Variants in OXR1 observed in about 807,000 individuals in gnomAD.
OXR1 encodes the protein oxidation resistance 1.
A neutral mutation model predicts 104.6 loss-of-function variants in OXR1; 41 were observed. The ratio of observed to expected loss-of-function variants is 0.39; its 90% CI spans 0.31 to 0.51. OXR1 has a LOEUF of 0.51. Ranked by LOEUF, OXR1 falls within the 20% of genes least tolerant of loss-of-function variation. The pLI is 0.77. For synonymous variants in OXR1, 348 were observed against 348.4 expected, an observed-to-expected ratio of 1.00 and a Z score of 0.01; for missense variants, 955 against 1,031.9, an observed-to-expected ratio of 0.93 and a Z score of 1.02.
At position 106,752,047 on chromosome 8, in the gene OXR1, T is replaced by A. The variant is rs1468160980; in HGVS notation, c.*1106T>A. ...TGAAAAGATAGAATACACTAGTAGT[T>A]CTTATCCTCTTTTGTAGGAAACCAA... is the stretch of plus-strand genomic sequence containing the variant. On this transcript the variant is annotated 3_prime_UTR_variant, in exon 17 of 17. Coordinates refer to ENST00000517566, the MANE Select transcript of OXR1 (RefSeq NM_001198533.2). 6.6e-6 allele frequency: 1 copy of A among 152,600 alleles called. No individual in the cohort carries two copies. Among genetic ancestry groups the A allele is most frequent in the African/African-American group, 2.4e-5 (1 of 41,466 alleles). The allele number at this position is 152,600 out of a possible 1,614,324, so 9.5% of individuals were successfully genotyped here. A position where few individuals can be genotyped will look rare whatever the true frequency, so the allele number is the denominator to read the frequency against.
intron 2 of OXR1, among the ~76,000 whole-genome samples, chr8:106,413,909 G>T (rs986243882): frequency 6.6e-6 from 1 of 151,926 alleles, no homozygotes; most frequent in African/African-American, 2.4e-5. Context: ...AATATTTTTA[G>T]TAGAGACAGG....
At chr8:106,302,006 T>C (rs1813254086) in intron 1 of OXR1, among the ~76,000 whole-genome samples, 1 of 152,184 alleles carries the variant, frequency 6.6e-6, no homozygotes, top group Non-Finnish European at 1.5e-5. Flanking sequence ...TCAATTTTGT[T>C]AAATTACTGA....
At chr8:106,446,960 G>A (rs1820035330) in intron 2 of OXR1, among the ~76,000 whole-genome samples, 2 of 152,064 alleles carry the variant, frequency 1.3e-5, no homozygotes, top group Non-Finnish European at 2.9e-5. Flanking sequence ...ACAAAGAAAG[G>A]AAACTGAATT....
In OXR1 at chr8:106,608,850, A is replaced by T. The variant is rs147585959; in HGVS notation, c.221-70360A>T. On this transcript the variant is annotated intron_variant, in intron 3 of 16. Coordinates refer to ENST00000517566, the MANE Select transcript of OXR1 (RefSeq NM_001198533.2). ...TGGTCATGTTAGGTTTGGAATGCTGATGGGTTTATATCGTCCTACTCTGAA... is the reference window on the plus strand; with the variant it reads ...TGGTCATGTTAGGTTTGGAATGCTGTTGGGTTTATATCGTCCTACTCTGAA... Among the ~76,000 whole-genome samples the T allele has an allele frequency of 2.5e-3, 385 of 152,298 alleles. 1 individual carries two copies. The highest frequency in any genetic ancestry group is 8.8e-3 in the African/African-American group (367 of 41,564).
At chr8:106,445,084 C>T (rs1187962292) in intron 2 of OXR1, among the ~76,000 whole-genome samples, 1 of 152,134 alleles carries the variant, frequency 6.6e-6, no homozygotes, top group Non-Finnish European at 1.5e-5. Context: ...CATTTATTTA[C>T]AGGGAATTAA....
At chr8:106,600,167 C>A (rs1417982457) in intron 3 of OXR1, among the ~76,000 whole-genome samples, 2 of 152,162 alleles carry the variant, frequency 1.3e-5, no homozygotes, top group Non-Finnish European at 2.9e-5. Flanking sequence ...TGGGGCCAAG[C>A]AGTTACAATG....
rs60073341 is a variant in OXR1, at chr8:106,547,492, C to CTTT, written c.220+28370_220+28372dup. ...GTGTTAGAATTTCCTTTCTTTCTTT[C>CTTT]TTTTTTTTTTTTTTTTTTTGAGACA... On this transcript the variant is annotated intron_variant, in intron 3 of 16. Transcript: ENST00000517566. Among the ~76,000 whole-genome samples, 336 of 116,510 alleles carry CTTT rather than the reference C, an allele frequency of 2.9e-3. 1 individual carries two copies. Among genetic ancestry groups the CTTT allele is most frequent in the Admixed American group, 5.4e-3 (57 of 10,624 alleles). The allele number at this position is 116,510 out of a possible 152,430, so 76.4% of individuals were successfully genotyped here.
intron 2 of OXR1, among the ~76,000 whole-genome samples, chr8:106,423,821 A>G (rs1031869174): frequency 6.6e-6 from 1 of 152,244 alleles, no homozygotes; most frequent in African/African-American, 2.4e-5. Flanking sequence ...TGAGAGAAAT[A>G]TAATCCCATC....
intron 3 of OXR1, among the ~76,000 whole-genome samples, chr8:106,596,920 G>A (rs1819573000): frequency 6.6e-6 from 1 of 152,078 alleles, no homozygotes. Context: ...GGGCATGGTG[G>A]TGTGCACCTG....
intron 3 of OXR1, among the ~76,000 whole-genome samples, chr8:106,577,378 C>CTTTTTTTT (rs5893798): frequency 4.6e-5 from 2 of 43,574 alleles, no homozygotes; most frequent in African/African-American, 9.6e-5. Context: ...GCCCAGCTAA[C>CTTTTTTTT]TTTTTTTTTT....
Position 106,713,982 on chromosome 8 carries a change from G to A in OXR1, c.1953G>A (p.Trp651Ter). The A allele has an allele frequency of 6.4e-7, 1 of 1,562,096 alleles. No homozygotes were observed. The highest frequency in any genetic ancestry group is 2.1e-5 in the Admixed American group (1 of 47,048). Residue 651 changes from tryptophan to a stop codon, truncating the protein, a stop_gained, in exon 11 of 17, where the codon TGG becomes TGA. Transcript: ENST00000517566. LOFTEE classifies it high-confidence loss of function. ...GTAATCAAGCAGCAGCCAGAGAATG[G>A]GAGGTAAGGAGAAAAATATGAAGAT... ...DSSNQAAARE[W>*]EVVSVAEYHR...
At chr8:106,506,833 C>A (rs570735304) in intron 2 of OXR1, among the ~76,000 whole-genome samples, 1 of 151,880 alleles carries the variant, frequency 6.6e-6, no homozygotes, top group African/African-American at 2.4e-5. Context: ...GTTTATGCCT[C>A]TAATCCCAAC....
At chr8:106,364,504 C>T (rs1209968027) in intron 2 of OXR1, among the ~76,000 whole-genome samples, 1 of 152,094 alleles carries the variant, frequency 6.6e-6, no homozygotes, top group African/African-American at 2.4e-5. Flanking sequence ...TACTTGAAAC[C>T]AGGAGGCAGA....
At chr8:106,308,647 C>G (rs1047767313) in intron 1 of OXR1, among the ~76,000 whole-genome samples, 3 of 152,100 alleles carry the variant, frequency 2.0e-5, no homozygotes, top group African/African-American at 7.2e-5. Context: ...AGGTGAATAT[C>G]TAAACATCAG....
intron 11 of OXR1, among the ~76,000 whole-genome samples, chr8:106,716,435 T>C (rs1191633393): frequency 3.0e-5 from 1 of 32,844 alleles, no homozygotes. Flanking sequence ...CCATCCTGGC[T>C]AACAAGGTGA....
In OXR1 at chr8:106,663,612, G is replaced by A. The variant is rs987327290; in HGVS notation, c.221-15598G>A. ...CAGGGGTCCCCAGCCCTGGTCCATG[G>A]CCTGTTAGGAACCAGGATGCACAGC... On this transcript the variant is annotated intron_variant, in intron 3 of 16. Coordinates refer to ENST00000517566, the MANE Select transcript of OXR1 (RefSeq NM_001198533.2). Among the ~76,000 whole-genome samples, 4 of 152,196 alleles carry A rather than the reference G, an allele frequency of 2.6e-5. No homozygotes were observed. The East Asian group carries it at 7.7e-4, about 29-fold the overall frequency.
intron 2 of OXR1, among the ~76,000 whole-genome samples, chr8:106,490,256 T>G (rs1374576387): frequency 6.6e-6 from 1 of 152,152 alleles, no homozygotes. Flanking sequence ...TGCAGGAATA[T>G]GGTCAGTGTC....
At chr8:106,470,434 C>T (rs1371304978) in intron 2 of OXR1, among the ~76,000 whole-genome samples, 15 of 151,554 alleles carry the variant, frequency 9.9e-5, no homozygotes, top group Admixed American at 9.9e-4. Context: ...AGTATTTTGG[C>T]CTGAGCAACT....
At chr8:106,277,542 G>GA (rs939706201) in intron 1 of OXR1, among the ~76,000 whole-genome samples, 3 of 151,890 alleles carry the variant, frequency 2.0e-5, no homozygotes, top group African/African-American at 4.8e-5. Flanking sequence ...GTTTCTTGAG[G>GA]AAAAAAAAGA....
Sources: allele counts gnomAD v4.1 joint callset (sites outside exome capture counted in the v4.1 genomes callset), GRCh38; gene constraint gnomAD v4.1.1; transcripts MANE v1.5; gene names NCBI Gene and HGNC (gene_info 2026-07-23, HGNC 2026-07-21).